The following OOEP variants were observed in gnomAD, a reference collection of about 807,000 sequenced individuals.
OOEP encodes the protein oocyte expressed protein.
Under a neutral mutation model 13.7 loss-of-function variants are expected in OOEP, and 16 were observed. That is an observed-to-expected ratio of 1.16 (90% CI 0.79 to 1.77). The LOEUF (loss-of-function observed/expected upper bound fraction) is 1.77, where lower values mean the gene tolerates loss of function less well. OOEP is among the 40% of genes most tolerant of loss of function. The pLI is 0.00. For missense variants in OOEP, 195 were observed against 193.1 expected (o/e 1.01, Z -0.06); for synonymous variants, 89 against 77.1 (o/e 1.15, Z -0.81).
chr6:73,370,005 T>C (rs1025615610), upstream of OOEP: 3 of 575,176 alleles, frequency 5.2e-6, no homozygotes, highest in Non-Finnish European at 6.2e-6. Context: ...TCGCCGGGAT[T>C]GCCTCTTTGA....
Position 73,369,594 on chromosome 6 carries a change from G to A in OOEP, c.190+9C>T, listed in dbSNP as rs1769012108. The A allele has an allele frequency of 6.2e-7, 1 of 1,612,286 alleles. No individual in the cohort carries two copies. The highest frequency in any genetic ancestry group is 8.5e-7 in the Non-Finnish European group (1 of 1,178,554). Reference sequence around the variant, plus strand: ...TGGACAGCCCACTAGCACACCTGGGGTCGCTCACCAAAGAGCTCGTCTGCC... The same window carrying A: ...TGGACAGCCCACTAGCACACCTGGGATCGCTCACCAAAGAGCTCGTCTGCC... On this transcript the variant is annotated intron_variant, in intron 1 of 2. Transcript: ENST00000370359.
upstream of OOEP, chr6:73,369,906 C>G: frequency 1.0e-6 from 1 of 977,898 alleles, no homozygotes; most frequent in South Asian, 1.6e-5. Context: ...CCGCCCCTTC[C>G]GGCGGCGCCT....
intron 2 of OOEP, among the ~76,000 whole-genome samples, chr6:73,380,903 C>T (rs1309637842): frequency 6.6e-6 from 1 of 152,090 alleles, no homozygotes; most frequent in Admixed American, 6.6e-5. Flanking sequence ...AATCCCAGCA[C>T]TTTGGGAGGT....
intron 2 of OOEP, among the ~76,000 whole-genome samples, chr6:73,389,607 T>C (rs1769318949): frequency 6.7e-6 from 1 of 149,242 alleles, no homozygotes. Flanking sequence ...TGTGAAAAAA[T>C]TTAAAATAAC....
chr6:73,378,091 C>T (rs1769157391), intron 2 of OOEP, among the ~76,000 whole-genome samples: 1 of 145,210 alleles, frequency 6.9e-6, no homozygotes. Flanking sequence ...ACAAATTCTT[C>T]TTCTTCTTCT....
upstream of OOEP, chr6:73,373,111 T>C: frequency 1.2e-6 from 2 of 1,601,292 alleles, no homozygotes; most frequent in African/African-American, 2.7e-5. Context: ...CAATTCCTTA[T>C]AGACCCAGCT....
At chr6:73,394,356 C>T (rs1769406864) in exon 2 of OOEP, 1 of 715,256 alleles carries the variant, frequency 1.4e-6, no homozygotes, top group African/African-American at 1.7e-5. Flanking sequence ...CTTTATGGGT[C>T]ACGGTTGAAA....
chr6:73,370,621 C>T (rs1582623637), upstream of OOEP, among the ~76,000 whole-genome samples: 1 of 152,176 alleles, frequency 6.6e-6, no homozygotes, highest in Non-Finnish European at 1.5e-5. Flanking sequence ...TCTTTCCTTT[C>T]CTTCTCCAGA....
exon 1 of OOEP, chr6:73,394,926 T>TC (rs1340615172): frequency 6.2e-7 from 1 of 1,614,018 alleles, no homozygotes; most frequent in African/African-American, 1.3e-5. Flanking sequence ...ACGGAGGAGC[T>TC]CCCAAGGCCT....
At chr6:73,372,419 G>T (rs536207455), upstream of OOEP, among the ~76,000 whole-genome samples, 51 of 152,176 alleles carry the variant, frequency 3.4e-4, 1 homozygote, top group Admixed American at 1.9e-3. Context: ...GGCTAGTTCA[G>T]TTATTTCTTC....
intron 2 of OOEP, among the ~76,000 whole-genome samples, chr6:73,386,156 G>A (rs546596775): frequency 2.0e-5 from 3 of 149,680 alleles, no homozygotes; most frequent in South Asian, 2.1e-4. Context: ...GTGCAATGGC[G>A]CGATGTTGGC....
At chr6:73,383,244 C>A (rs1217700402) in intron 2 of OOEP, among the ~76,000 whole-genome samples, 1 of 152,190 alleles carries the variant, frequency 6.6e-6, no homozygotes, top group Non-Finnish European at 1.5e-5. Context: ...GTTTCTTGAT[C>A]AAGTAGTTGG....
At chr6:73,382,850 C>CTTTTTTTTTT (rs765716551) in intron 2 of OOEP, among the ~76,000 whole-genome samples, 1 of 102,266 alleles carries the variant, frequency 9.8e-6, no homozygotes, top group Non-Finnish European at 1.8e-5. Flanking sequence ...TGGTTTTTAA[C>CTTTTTTTTTT]TTTTTTTTTT....
intron 2 of OOEP, among the ~76,000 whole-genome samples, chr6:73,375,941 G>A (rs1027621803): frequency 7.3e-5 from 11 of 151,612 alleles, no homozygotes; most frequent in African/African-American, 2.4e-4. Context: ...ACAGGCACCC[G>A]CCACCACGGC....
upstream of OOEP, among the ~76,000 whole-genome samples, chr6:73,372,874 C>T (rs1040157232): frequency 1.3e-4 from 20 of 151,040 alleles, no homozygotes; most frequent in Admixed American, 3.3e-4. Context: ...TCTTAAGGGC[C>T]GGAAGATTCT....
At chr6:73,378,185 C>T (rs1769158218) in intron 2 of OOEP, among the ~76,000 whole-genome samples, 1 of 152,058 alleles carries the variant, frequency 6.6e-6, no homozygotes, top group Admixed American at 6.6e-5. Flanking sequence ...TCACCACAAC[C>T]TCCACTTCCA....
At chr6:73,388,656 C>T (rs1769306370) in intron 2 of OOEP, among the ~76,000 whole-genome samples, 1 of 152,182 alleles carries the variant, frequency 6.6e-6, no homozygotes, top group Non-Finnish European at 1.5e-5. Flanking sequence ...CTTGGGTTCC[C>T]AAGTACTGGG....
At chr6:73,372,696 A>G (rs2150779318), upstream of OOEP, among the ~76,000 whole-genome samples, 1 of 152,244 alleles carries the variant, frequency 6.6e-6, no homozygotes, top group South Asian at 2.1e-4. Context: ...AGCCAACACC[A>G]GAGACTGAGG....
chr6:73,369,411 G>A (rs1769008535), intron 1 of OOEP, 26 bp from the exon 2 acceptor site: 1 of 1,595,188 alleles, frequency 6.3e-7, no homozygotes, highest in Non-Finnish European at 8.5e-7. Context: ...AAAACTCTGA[G>A]GGGCTGCACG....
Sources: gnomAD v4.1 joint callset for allele counts (sites outside exome capture counted in the v4.1 genomes callset) on GRCh38, gnomAD v4.1.1 for gene constraint, MANE v1.5 for transcripts, NCBI Gene and HGNC (gene_info 2026-07-23, HGNC 2026-07-21) for gene names.